The following WWTR1 variants were observed in gnomAD, a reference collection of about 807,000 sequenced individuals.
WWTR1 encodes WW domain-containing transcription regulator protein 1.
WWTR1 carries 13 observed loss-of-function variants against 40.1 expected under a neutral mutation model. The observed-to-expected ratio is 0.32, with a 90% CI of 0.21 to 0.52. The LOEUF (loss-of-function observed/expected upper bound fraction) is 0.52. Ranked by LOEUF, WWTR1 falls within the 20% of genes least tolerant of loss-of-function variation. The pLI is 0.97. For missense variants in WWTR1, 436 were observed against 523.1 expected, an observed-to-expected ratio of 0.83 and a Z score of 1.63; for synonymous variants, 230 against 210.1, an observed-to-expected ratio of 1.09 and a Z score of -0.82.
chr3:149,540,408 G>A (rs767849718), intron 4 of WWTR1: 2 of 391,546 alleles, frequency 5.1e-6, no homozygotes, highest in African/African-American at 2.1e-5. Flanking sequence ...GAAAGAAGGA[G>A]GAGAAGCAAG....
intron 2 of WWTR1, among the ~76,000 whole-genome samples, chr3:149,617,275 G>A (rs1740019696): frequency 6.6e-6 from 1 of 152,104 alleles, no homozygotes; most frequent in South Asian, 2.1e-4. Flanking sequence ...TCTCACTCCA[G>A]GGCAATTGGA....
chr3:149,716,054 G>T (rs1715600836), intron 5 of WWTR1, among the ~76,000 whole-genome samples: 1 of 152,138 alleles, frequency 6.6e-6, no homozygotes, highest in Non-Finnish European at 1.5e-5. Context: ...AGTGAAGAGA[G>T]AATTTACTAT....
intron 1 of WWTR1, among the ~76,000 whole-genome samples, chr3:149,671,199 C>T (rs2108191555): frequency 6.6e-6 from 1 of 152,158 alleles, no homozygotes; most frequent in Non-Finnish European, 1.5e-5. Flanking sequence ...CAGCTTCATC[C>T]TCATGATCCA....
At chr3:149,687,390 AATCT>A (rs1242864099) in intron 1 of WWTR1, among the ~76,000 whole-genome samples, 1 of 152,154 alleles carries the variant, frequency 6.6e-6, no homozygotes, top group Non-Finnish European at 1.5e-5. Flanking sequence ...TTTTAGTTTA[AATCT>A]ATTTGAAAAG....
rs535050526 is a variant in WWTR1 at position 149,594,095 on chromosome 3, A to G, written c.432-21095T>C. Among the ~76,000 whole-genome samples, 13 of 152,324 alleles carry G rather than the reference A, an allele frequency of 8.5e-5. No homozygotes were observed. In the East Asian group the frequency reaches 1.9e-3, roughly 23 times the overall value. On this transcript the variant is annotated intron_variant, in intron 2 of 6. Coordinates refer to ENST00000360632, the MANE Select transcript of WWTR1 (RefSeq NM_015472.6). ...CAAGCCGTTTATTTATGGTTTGTAT[A>G]CTGTTCTACAAAAATTCTACTTCAT...
In WWTR1 at chr3:149,520,894, C is replaced by G. The variant is rs1470220569; in HGVS notation, c.1114G>C (p.Gly372Arg). ...ATCAGGTCTTCAGATTCCAAAGTTC[C>G]TAAGTCAACGTTTGTTCCTGGAAGA... ...DCLPGTNVDL[G>R]TLESEDLIPL... Residue 372 changes from glycine to arginine, a missense_variant, in exon 7 of 7, where the codon GGA (glycine) becomes CGA (arginine). Gly to Arg is a moderately radical substitution (Grantham distance 125). Transcript: ENST00000360632. The G allele has an allele frequency of 1.9e-6, 3 of 1,613,390 alleles. No homozygotes were observed. The African/African-American group carries it at 4.0e-5, about 22-fold the overall frequency.
At chr3:149,581,941 A>G (rs1738168276) in intron 2 of WWTR1, among the ~76,000 whole-genome samples, 1 of 152,146 alleles carries the variant, frequency 6.6e-6, no homozygotes, top group African/African-American at 2.4e-5. Context: ...GTCAGCCCCA[A>G]AGAGCAGATG....
chr3:149,559,150 C>G (rs893155204), intron 3 of WWTR1, among the ~76,000 whole-genome samples: 3 of 151,582 alleles, frequency 2.0e-5, no homozygotes, highest in Admixed American at 6.6e-5. Flanking sequence ...AAAAATTTGC[C>G]AGGCGTAGTG....
intron 1 of WWTR1, among the ~76,000 whole-genome samples, chr3:149,689,182 G>A (rs12630313): frequency 0.014 from 2,096 of 152,070 alleles, 32 homozygotes; most frequent in East Asian, 0.062. Context: ...AGGAGTTCAA[G>A]ACTAGCCTCG....
At chr3:149,711,161 TAAAA>T (rs1237527926) in intron 5 of WWTR1, among the ~76,000 whole-genome samples, 2 of 114,972 alleles carry the variant, frequency 1.7e-5, no homozygotes, top group African/African-American at 3.1e-5. Flanking sequence ...ACACACTTGC[TAAAA>T]AAAAAAAAAA....
At chr3:149,535,042 C>G (rs1735759209) in intron 4 of WWTR1, among the ~76,000 whole-genome samples, 1 of 152,124 alleles carries the variant, frequency 6.6e-6, no homozygotes, top group Admixed American at 6.5e-5. Context: ...CAGCTCTGTC[C>G]CGCCTTGGCT....
chr3:149,595,525 A>G (rs1467661257), intron 2 of WWTR1, among the ~76,000 whole-genome samples: 1 of 152,192 alleles, frequency 6.6e-6, no homozygotes, highest in Non-Finnish European at 1.5e-5. Flanking sequence ...AACATATTAA[A>G]CAAATATACC....
intron 4 of WWTR1, among the ~76,000 whole-genome samples, chr3:149,541,892 T>C (rs1347314086): frequency 1.3e-5 from 2 of 152,118 alleles, no homozygotes; most frequent in African/African-American, 4.8e-5. Flanking sequence ...CACCTACCAG[T>C]TGAATACCAC....
At chr3:149,581,239 T>C (rs898835175) in intron 2 of WWTR1, among the ~76,000 whole-genome samples, 2 of 152,178 alleles carry the variant, frequency 1.3e-5, no homozygotes, top group Non-Finnish European at 2.9e-5. Context: ...TCCTGCTATT[T>C]TTAATGCATC....
intron 3 of WWTR1, among the ~76,000 whole-genome samples, chr3:149,567,049 T>C (rs1226200668): frequency 6.6e-6 from 1 of 152,026 alleles, no homozygotes; most frequent in African/African-American, 2.4e-5. Context: ...GGTGAAGTTG[T>C]TATAGTCTTT....
intron 2 of WWTR1, among the ~76,000 whole-genome samples, chr3:149,590,207 T>C (rs994535777): frequency 1.3e-5 from 2 of 152,080 alleles, no homozygotes; most frequent in Non-Finnish European, 2.9e-5. Context: ...CAATAATAAT[T>C]ATTCATATTA....
In WWTR1 at chr3:149,561,867, A is replaced by G. The variant is rs566396740; in HGVS notation, c.568+10997T>C. Among the ~76,000 whole-genome samples the G allele has an allele frequency of 2.0e-5, 3 of 152,348 alleles. No individual in the cohort carries two copies. In the East Asian group the frequency reaches 5.8e-4, roughly 29 times the overall value. On this transcript the variant is annotated intron_variant, in intron 3 of 6. Coordinates refer to ENST00000360632, the MANE Select transcript of WWTR1 (RefSeq NM_015472.6). Reference sequence around the variant, plus strand: ...AGCTGGTAGTAGTGTTTCCCTGGAAAGGAGAAAAGGGCTGGGGGTCATGGT... The same window carrying G: ...AGCTGGTAGTAGTGTTTCCCTGGAAGGGAGAAAAGGGCTGGGGGTCATGGT...
chr3:149,652,550 G>A, intron 2 of WWTR1, among the ~76,000 whole-genome samples: 1 of 133,208 alleles, frequency 7.5e-6, no homozygotes, highest in Admixed American at 8.3e-5. Flanking sequence ...TTGAGCCCAG[G>A]AATTTGAGGC....
chr3:149,574,104 C>T (rs1043427004), intron 2 of WWTR1, among the ~76,000 whole-genome samples: 4 of 152,150 alleles, frequency 2.6e-5, no homozygotes, highest in Non-Finnish European at 5.9e-5. Context: ...AATCATGGCC[C>T]ATTGCAGCCC....
Sources: allele counts gnomAD v4.1 joint callset (sites outside exome capture counted in the v4.1 genomes callset), GRCh38; gene constraint gnomAD v4.1.1; transcripts MANE v1.5; gene names NCBI Gene and HGNC (gene_info 2026-07-23, HGNC 2026-07-21).